MBNL2: variants seen among roughly 807,000 people sequenced by gnomAD.
The protein encoded by MBNL2 is muscleblind-like protein 2.
In MBNL2, 17 loss-of-function variants were observed where a neutral mutation model predicts 41.9. The ratio of observed to expected loss-of-function variants is 0.41; its 90% CI spans 0.28 to 0.61. The LOEUF is 0.61. Among genes scored for constraint, MBNL2 ranks in the 20% least tolerant of loss-of-function variants. MBNL2 has a pLI of 0.35. For synonymous variants in MBNL2, 195 were observed against 182.9 expected (o/e 1.07, Z -0.53); for missense variants, 336 against 505.6 (o/e 0.66, Z 3.22).
chr13:97,373,240 G>A (rs1398049292), intron 8 of MBNL2, among the ~76,000 whole-genome samples: 4 of 152,244 alleles, frequency 2.6e-5, no homozygotes, highest in Admixed American at 1.3e-4. Flanking sequence ...AATCAGGGCC[G>A]AGACATCTCT....
At chr13:97,290,625 G>A (rs868443447) in intron 2 of MBNL2, among the ~76,000 whole-genome samples, 3 of 149,652 alleles carry the variant, frequency 2.0e-5, no homozygotes, top group Non-Finnish European at 3.0e-5. Flanking sequence ...GCAGTGAGCC[G>A]AGATTGCGCC....
chr13:97,199,979 T>C, the MBNL2 span, among the ~76,000 whole-genome samples: 3 of 152,256 alleles, frequency 2.0e-5, no homozygotes, highest in African/African-American at 4.8e-5. Flanking sequence ...ATGTGGTCTT[T>C]GGATCTGCCA....
chr13:97,388,771 T>C (rs2066146852), intron 8 of MBNL2, among the ~76,000 whole-genome samples: 1 of 152,148 alleles, frequency 6.6e-6, no homozygotes, highest in Non-Finnish European at 1.5e-5. Context: ...GTACAGATAA[T>C]ACAGACTGTA....
In MBNL2 at chr13:97,226,698, A is replaced by G. The variant is rs1261419899; in HGVS notation, c.-605+4167A>G. Among the ~76,000 whole-genome samples, 4 of 152,330 alleles carry G rather than the reference A, an allele frequency of 2.6e-5. No homozygotes were observed. The South Asian group carries it at 6.2e-4, about 24-fold the overall frequency. ...CTTGACCTCTGTTATATTTCTCCAG[A>G]TAAGTACTGTTTAAATAACATATAA... On this transcript the variant is annotated intron_variant, in intron 1 of 8. Coordinates refer to ENST00000679496, the MANE Select transcript of MBNL2 (RefSeq NM_001382683.1).
chr13:97,383,791 T>C (rs1393590490), intron 8 of MBNL2, among the ~76,000 whole-genome samples: 1 of 152,190 alleles, frequency 6.6e-6, no homozygotes, highest in Non-Finnish European at 1.5e-5. Context: ...AAGTCAAATA[T>C]GGCATGACAC....
chr13:97,171,623 A>G, the MBNL2 span, among the ~76,000 whole-genome samples: 1 of 152,336 alleles, frequency 6.6e-6, no homozygotes, highest in South Asian at 2.1e-4. Flanking sequence ...CAGGGAATAC[A>G]TTTAGAATTA....
chr13:97,145,360 T>C, the MBNL2 span, among the ~76,000 whole-genome samples: 4 of 151,390 alleles, frequency 2.6e-5, no homozygotes, highest in African/African-American at 4.9e-5. Flanking sequence ...AAAGAAAGAA[T>C]TGGTAATGAA....
At chr13:97,242,154 A>G (rs899996600) in intron 1 of MBNL2, among the ~76,000 whole-genome samples, 1 of 152,148 alleles carries the variant, frequency 6.6e-6, no homozygotes, top group Non-Finnish European at 1.5e-5. Flanking sequence ...CCCACCCCCA[A>G]CACACTCCTA....
chr13:97,151,503 A>G, the MBNL2 span, among the ~76,000 whole-genome samples: 1 of 152,170 alleles, frequency 6.6e-6, no homozygotes, highest in Non-Finnish European at 1.5e-5. Flanking sequence ...GAAGCTGGGA[A>G]GCAACTAGGG....
chr13:97,193,754 G>A, the MBNL2 span, among the ~76,000 whole-genome samples: 1 of 152,118 alleles, frequency 6.6e-6, no homozygotes, highest in South Asian at 2.1e-4. Flanking sequence ...AGTGGTGGTA[G>A]GAGAGACGTC....
chr13:97,252,608 CTG>C (rs907377187), intron 1 of MBNL2, among the ~76,000 whole-genome samples: 4 of 151,904 alleles, frequency 2.6e-5, no homozygotes, highest in African/African-American at 7.3e-5. Context: ...TTATTTCAAG[CTG>C]TCTTATTTTT....
At chr13:97,198,471 T>C in the MBNL2 span, among the ~76,000 whole-genome samples, 1 of 149,782 alleles carries the variant, frequency 6.7e-6, no homozygotes, top group African/African-American at 2.4e-5. Context: ...ATCTGCAGGG[T>C]ATATAATAAA....
At chr13:97,237,653 G>T (rs1566358924) in intron 1 of MBNL2, among the ~76,000 whole-genome samples, 1 of 152,194 alleles carries the variant, frequency 6.6e-6, no homozygotes, top group Non-Finnish European at 1.5e-5. Context: ...CACCTGAAAA[G>T]CACCCATGCA....
At chr13:97,211,627 C>T in the MBNL2 span, among the ~76,000 whole-genome samples, 8 of 152,146 alleles carry the variant, frequency 5.3e-5, no homozygotes, top group African/African-American at 1.9e-4. Context: ...ATGACATCAG[C>T]ATCAGAATGC....
intron 3 of MBNL2, among the ~76,000 whole-genome samples, chr13:97,335,554 C>T (rs1252081427): frequency 6.6e-6 from 1 of 152,062 alleles, no homozygotes; most frequent in Non-Finnish European, 1.5e-5. Context: ...GGCTTCTGTA[C>T]AGAGTAGCCA....
At chr13:97,345,529 G>T (rs1333611035) in intron 4 of MBNL2, among the ~76,000 whole-genome samples, 2 of 152,090 alleles carry the variant, frequency 1.3e-5, no homozygotes, top group Non-Finnish European at 2.9e-5. Flanking sequence ...TAGCATTAAA[G>T]AATTTTTAAA....
the MBNL2 span, among the ~76,000 whole-genome samples, chr13:97,167,957 T>A: frequency 6.6e-5 from 10 of 152,154 alleles, no homozygotes; most frequent in Non-Finnish European, 1.3e-4. Context: ...TAATTTTTGT[T>A]TGGAGATATA....
the MBNL2 span, among the ~76,000 whole-genome samples, chr13:97,176,200 A>G: frequency 6.6e-6 from 1 of 152,194 alleles, no homozygotes; most frequent in Non-Finnish European, 1.5e-5. Context: ...ATGCTCATCA[A>G]AGAAACTGAA....
intron 7 of MBNL2, among the ~76,000 whole-genome samples, chr13:97,358,434 T>TAC (rs139610228): frequency 0.029 from 4,449 of 152,108 alleles, 228 homozygotes; most frequent in African/African-American, 0.1. Context: ...CGCCTATATA[T>TAC]ACACATTCCA....
Sources: gnomAD v4.1 joint callset for allele counts (sites outside exome capture counted in the v4.1 genomes callset) on GRCh38, gnomAD v4.1.1 for gene constraint, MANE v1.5 for transcripts, NCBI Gene and HGNC (gene_info 2026-07-23, HGNC 2026-07-21) for gene names.